Variants in SEPTIN2 observed in about 807,000 individuals in gnomAD.
The protein encoded by SEPTIN2 is septin 2, also known as septin-2.
In SEPTIN2, 34 loss-of-function variants were observed where a neutral mutation model predicts 46.5. The observed-to-expected ratio is 0.73, with a 90% CI of 0.56 to 0.97. SEPTIN2 has a LOEUF of 0.97. Ranked by LOEUF, SEPTIN2 falls within the 50% of genes least tolerant of loss-of-function variation. The pLI, the probability that SEPTIN2 is intolerant of heterozygous loss-of-function variation, is 0.00. For synonymous variants in SEPTIN2, 175 were observed against 153.4 expected (o/e 1.14, Z -1.04); for missense variants, 347 against 448.4 (o/e 0.77, Z 2.04).
chr2:241,331,683 A>G lies in SEPTIN2; in HGVS notation c.131-3443A>G, dbSNP rs772200842. On this transcript the variant is annotated intron_variant, in intron 3 of 12. Coordinates refer to ENST00000391971, the MANE Select transcript of SEPTIN2 (RefSeq NM_004404.5). The stretch of plus-strand genomic sequence containing the variant: ...AAGGATTACTACTGGCATGAGCCAC[A>G]GCGTCCAGCTCCAACTTTCAGAAAT... Among the ~76,000 whole-genome samples the G allele has an allele frequency of 1.4e-4, 21 of 152,254 alleles. 1 individual carries two copies. Among genetic ancestry groups the G allele is most frequent in the South Asian group, 1.0e-3 (5 of 4,838 alleles).
chr2:241,338,536 G>A (rs974275973), intron 7 of SEPTIN2, among the ~76,000 whole-genome samples: 2 of 146,842 alleles, frequency 1.4e-5, no homozygotes, highest in African/African-American at 5.1e-5. Context: ...GATCACTTGA[G>A]CCCAGAAGTT....
intron 1 of SEPTIN2, chr2:241,317,512 C>A: frequency 1.0e-6 from 1 of 983,558 alleles, no homozygotes; most frequent in Non-Finnish European, 1.2e-6. Flanking sequence ...ACAGAAACTG[C>A]TGTAAAAGAA....
At chr2:241,342,927 C>A in intron 7 of SEPTIN2, 65 bp from the exon 8 acceptor site, 1 of 764,882 alleles carries the variant, frequency 1.3e-6, no homozygotes, top group Non-Finnish European at 2.2e-6. Context: ...ACAAGATGAG[C>A]TAGAATTGGC....
intron 7 of SEPTIN2, among the ~76,000 whole-genome samples, chr2:241,339,254 G>A (rs936221131): frequency 3.0e-4 from 45 of 151,144 alleles, no homozygotes; most frequent in Non-Finnish European, 3.8e-4. Context: ...TTAGCCGGGC[G>A]TGGTGGCGGG....
At chr2:241,351,564 T>C (rs1327788672) in intron 12 of SEPTIN2, 1 of 152,164 alleles carries the variant, frequency 6.6e-6, no homozygotes, top group Non-Finnish European at 1.5e-5. Context: ...CTGCTGACTC[T>C]AGAGGCTGGT....
At chr2:241,346,303 C>G in intron 10 of SEPTIN2, 54 bp downstream of exon 10, 1 of 1,393,110 alleles carries the variant, frequency 7.2e-7, no homozygotes, top group African/African-American at 1.4e-5. Context: ...CCACAATGTT[C>G]CTCCTCCTCT....
At chr2:241,337,831 T>G (rs765963399) in intron 7 of SEPTIN2, 41 bp downstream of exon 7, 1 of 1,383,752 alleles carries the variant, frequency 7.2e-7, no homozygotes, top group East Asian at 2.3e-5. Flanking sequence ...TGGGTGCGAC[T>G]CGGGGGCATG....
intron 4 of SEPTIN2, chr2:241,335,771 A>G (rs1257901635): frequency 8.1e-6 from 5 of 614,980 alleles, no homozygotes; most frequent in East Asian, 5.5e-5. Context: ...TGTGTTTTTA[A>G]CCTTCCCCAG....
chr2:241,335,558 C>A, intron 4 of SEPTIN2: 1 of 615,100 alleles, frequency 1.6e-6, no homozygotes. Context: ...TGTTCGAATT[C>A]ATCTACTGTC....
chr2:241,320,016 T>C (rs1448353666), intron 1 of SEPTIN2, among the ~76,000 whole-genome samples: 1 of 150,196 alleles, frequency 6.7e-6, no homozygotes, highest in Non-Finnish European at 1.5e-5. Context: ...GGTAGATGCT[T>C]TTGATACATT....
Position 241,346,230 on chromosome 2 carries a change from A to C in SEPTIN2, c.907A>C (p.Arg303=). 6.2e-7 allele frequency: 1 copy of C among 1,613,886 alleles called. No individual in the cohort carries two copies. The highest frequency in any genetic ancestry group is 8.5e-7 in the Non-Finnish European group (1 of 1,179,860). The change falls in exon 10 of 13, where the codon AGA becomes CGA. Residue 303 remains arginine, a synonymous_variant. Transcript: ENST00000391971. The part of the protein sequence containing the change: ...DLHYENFRSE[R]LKRGGRKVEN... ...TCATTATGAAAACTTCCGTTCTGAG[A>C]GACTCAAGAGAGGCGGCAGGTCATC...
chr2:241,317,748 C>CTT, intron 1 of SEPTIN2: 3 of 123,056 alleles, frequency 2.4e-5, no homozygotes, highest in Non-Finnish European at 5.2e-5. Flanking sequence ...AGATCATGGA[C>CTT]CTTCCGGGTT....
chr2:241,346,303 C>A, intron 10 of SEPTIN2, 54 bp downstream of exon 10: 1 of 1,393,108 alleles, frequency 7.2e-7, no homozygotes, highest in Non-Finnish European at 1.0e-6. Context: ...CCACAATGTT[C>A]CTCCTCCTCT....
chr2:241,342,074 C>CAGAT (rs2081323559), intron 7 of SEPTIN2, among the ~76,000 whole-genome samples: 1 of 152,178 alleles, frequency 6.6e-6, no homozygotes, highest in Non-Finnish European at 1.5e-5. Context: ...GAATGAAATA[C>CAGAT]AGATCCCCAG....
intron 4 of SEPTIN2, chr2:241,335,553 G>A (rs189157067): frequency 3.2e-5 from 20 of 620,944 alleles, no homozygotes; most frequent in Non-Finnish European, 4.2e-5. Flanking sequence ...ATAGATGTTC[G>A]AATTCATCTA....
chr2:241,344,302 C>G (rs972014386), intron 9 of SEPTIN2, among the ~76,000 whole-genome samples: 1 of 152,176 alleles, frequency 6.6e-6, no homozygotes, highest in Non-Finnish European at 1.5e-5. Context: ...GTGCCCTGCT[C>G]ACCAGTCTGA....
chr2:241,336,597 A>G (rs1262275553), intron 5 of SEPTIN2, among the ~76,000 whole-genome samples: 1 of 152,212 alleles, frequency 6.6e-6, no homozygotes, highest in Non-Finnish European at 1.5e-5. Context: ...ATAAAGCATC[A>G]GGTTTCCACC....
In SEPTIN2 at chr2:241,338,770, ATATAT is replaced by A. The variant is rs1173654722; in HGVS notation, c.594+987_594+991del. ...TATGTAATATATTTATATTGTTTATATATATTATATTTATATTATTTATATATAAT... is the reference window on the plus strand; with the variant it reads ...TATGTAATATATTTATATTGTTTATATATATTTATATTATTTATATATAAT... On this transcript the variant is annotated intron_variant, in intron 7 of 12. Transcript: ENST00000391971. 5.9e-4 allele frequency among the ~76,000 whole-genome samples: 66 copies of A among 111,214 alleles called. 1 individual carries two copies. Among genetic ancestry groups the A allele is most frequent in the African/African-American group, 2.4e-3 (64 of 26,508 alleles). 73.0% of individuals were successfully genotyped at this position (111,214 alleles called of 152,430 possible).
At chr2:241,331,981 T>A (rs1025785303) in intron 3 of SEPTIN2, among the ~76,000 whole-genome samples, 1 of 152,232 alleles carries the variant, frequency 6.6e-6, no homozygotes, top group African/African-American at 2.4e-5. Flanking sequence ...GGGGCAAGTT[T>A]AGTCTTTTTA....
Sources: allele counts gnomAD v4.1 joint callset (sites outside exome capture counted in the v4.1 genomes callset), GRCh38; gene constraint gnomAD v4.1.1; transcripts MANE v1.5; gene names NCBI Gene and HGNC (gene_info 2026-07-23, HGNC 2026-07-21).